The following CAMTA1 variants were observed in gnomAD, a reference collection of about 807,000 sequenced individuals.
CAMTA1 encodes the protein calmodulin binding transcription activator 1, also known as calmodulin-binding transcription activator 1.
Under a neutral mutation model 170.9 loss-of-function variants are expected in CAMTA1, and 27 were observed. The observed-to-expected ratio is 0.16, with a 90% confidence interval of 0.12 to 0.22. CAMTA1 has a LOEUF of 0.22. Ranked by LOEUF, CAMTA1 falls within the 10% of genes least tolerant of loss-of-function variation. The probability of loss-of-function intolerance (pLI) is 1.00; values close to 1 mark genes in which losing one functional copy is unlikely to be tolerated. For missense variants in CAMTA1, 1,619 were observed against 2,217.2 expected (o/e 0.73, Z 5.42); for synonymous variants, 833 against 891.5 (o/e 0.93, Z 1.17).
At chr1:7,035,394 C>T (rs1050092545) in intron 3 of CAMTA1, among the ~76,000 whole-genome samples, 17 of 143,238 alleles carry the variant, frequency 1.2e-4, no homozygotes, top group East Asian at 1.0e-3. Context: ...GAGCGAAACT[C>T]GGTCTCAAAA....
chr1:7,662,000 G>T (rs543208990), intron 8 of CAMTA1, 134 bp downstream of exon 8: 2 of 1,075,084 alleles, frequency 1.9e-6, no homozygotes, highest in Non-Finnish European at 2.6e-6. Flanking sequence ...GGGACTGGGC[G>T]ACACCACCGC....
chr1:6,946,613 C>T (rs1460802482), intron 3 of CAMTA1, among the ~76,000 whole-genome samples: 1 of 152,096 alleles, frequency 6.6e-6, no homozygotes, highest in African/African-American at 2.4e-5. Flanking sequence ...ATTTGTGTAT[C>T]TTCTTTGGGG....
chr1:7,238,063 T>C (rs1211723288), intron 4 of CAMTA1, among the ~76,000 whole-genome samples: 1 of 152,186 alleles, frequency 6.6e-6, no homozygotes, highest in Non-Finnish European at 1.5e-5. Flanking sequence ...CATACTATTA[T>C]GGAAAAATTT....
At chr1:7,363,095 T>C (rs1426819140) in intron 5 of CAMTA1, among the ~76,000 whole-genome samples, 6 of 152,188 alleles carry the variant, frequency 3.9e-5, no homozygotes, top group Admixed American at 3.3e-4. Flanking sequence ...AGGGACATGA[T>C]ACCAAGTTTG....
At chr1:7,722,083 A>G (rs1030078916) in intron 11 of CAMTA1, among the ~76,000 whole-genome samples, 4 of 152,142 alleles carry the variant, frequency 2.6e-5, no homozygotes, top group Non-Finnish European at 5.9e-5. Context: ...AGGGCCTGGG[A>G]AATCTGGCTA....
intron 5 of CAMTA1, among the ~76,000 whole-genome samples, chr1:7,324,637 A>T (rs992432441): frequency 6.6e-6 from 1 of 151,736 alleles, no homozygotes; most frequent in Non-Finnish European, 1.5e-5. Flanking sequence ...GTGAAACCCC[A>T]TCTCTACTAA....
rs1431888808 is a variant in CAMTA1, at chr1:7,732,178, G to A, written c.2915-270G>A. Among the ~76,000 whole-genome samples, 2 of 152,096 alleles carry A rather than the reference G, an allele frequency of 1.3e-5. No homozygotes were observed. Among genetic ancestry groups the A allele is most frequent in the Non-Finnish European group, 2.9e-5 (2 of 68,034 alleles). ...GGGAATTTGACAAAGAAACTAGGGG[G>A]CAGGAACCTGAACCTCTTTTTGATC... On this transcript the variant is annotated intron_variant, in intron 11 of 22. Coordinates refer to ENST00000303635, the MANE Select transcript of CAMTA1 (RefSeq NM_015215.4). This position sits in a 1 kb window ranked among gnomAD's most constrained non-coding sequence, Gnocchi z 4.1.
chr1:7,324,262 G>A (rs1280530989), intron 5 of CAMTA1, among the ~76,000 whole-genome samples: 1 of 151,754 alleles, frequency 6.6e-6, no homozygotes, highest in Non-Finnish European at 1.5e-5. Context: ...TAATGCTTTT[G>A]GCCTTGAAAT....
At chr1:7,177,911 G>A (rs879494017) in intron 4 of CAMTA1, among the ~76,000 whole-genome samples, 2 of 146,990 alleles carry the variant, frequency 1.4e-5, no homozygotes, top group African/African-American at 2.5e-5. Context: ...TCCCTCAGGC[G>A]GAGGCTCTTC....
chr1:7,501,702 G>C (rs1750850), intron 6 of CAMTA1, among the ~76,000 whole-genome samples: 103,737 of 151,480 alleles, frequency 0.68, 36,121 homozygotes, highest in Middle Eastern at 0.87. Flanking sequence ...ATCTGAAATT[G>C]ACATGTCATC....
chr1:7,707,596 C>T (rs1235099366), intron 11 of CAMTA1, among the ~76,000 whole-genome samples: 2 of 152,132 alleles, frequency 1.3e-5, no homozygotes, highest in Non-Finnish European at 2.9e-5. Flanking sequence ...AGGCTGGGCT[C>T]AAACTCCTGA....
intron 3 of CAMTA1, among the ~76,000 whole-genome samples, chr1:6,888,649 A>G (rs1457367919): frequency 2.0e-5 from 3 of 152,236 alleles, no homozygotes; most frequent in African/African-American, 4.8e-5. Flanking sequence ...GGCATTAACA[A>G]AGATATAGAG....
At chr1:7,433,627 A>C (rs1441311232) in intron 5 of CAMTA1, among the ~76,000 whole-genome samples, 1 of 152,240 alleles carries the variant, frequency 6.6e-6, no homozygotes. Flanking sequence ...AACACTGCTG[A>C]GCAAAACAAG....
rs933340192 is a variant in CAMTA1 at position 7,463,498 on chromosome 1, GAGAA to G, written c.439-4324_439-4321del. 5.9e-5 allele frequency among the ~76,000 whole-genome samples: 9 copies of G among 151,580 alleles called. No individual in the cohort carries two copies. Among genetic ancestry groups the G allele is most frequent in the African/African-American group, 9.7e-5 (4 of 41,188 alleles). Reference sequence around the variant, plus strand: ...AGACAGCTGCAGAGATGGAGAGAGAGAGAAAGAAAGAGACTGAGAAAGAGATTGA... The same window carrying G: ...AGACAGCTGCAGAGATGGAGAGAGAGAGAAAGAGACTGAGAAAGAGATTGA... On this transcript the variant is annotated intron_variant, in intron 5 of 22. Coordinates refer to ENST00000303635, the MANE Select transcript of CAMTA1 (RefSeq NM_015215.4). This position sits in a 1 kb window ranked among gnomAD's most constrained non-coding sequence, Gnocchi z 4.7.
intron 3 of CAMTA1, among the ~76,000 whole-genome samples, chr1:6,833,798 G>A (rs1318579357): frequency 2.0e-5 from 3 of 152,170 alleles, no homozygotes; most frequent in African/African-American, 4.8e-5. Context: ...AACATACTCG[G>A]TTCAGGTGTT....
At position 7,333,909 on chromosome 1, in the gene CAMTA1, A is replaced by G. The variant is rs961769475; in HGVS notation, c.438+84283A>G. Among the ~76,000 whole-genome samples the G allele has an allele frequency of 1.3e-5, 2 of 152,166 alleles. No homozygotes were observed. The highest frequency in any genetic ancestry group is 1.3e-4 in the Admixed American group (2 of 15,276). On this transcript the variant is annotated intron_variant, in intron 5 of 22. Coordinates refer to ENST00000303635, the MANE Select transcript of CAMTA1 (RefSeq NM_015215.4). The surrounding 1 kb of genome is among the most constrained non-coding windows in gnomAD (Gnocchi z 4.4). Reference sequence around the variant, plus strand: ...TTTATTACTTACATTTATCAAGGAAAGAGGTGGGGTTGGAAACTGCCAAGC... The same window carrying G: ...TTTATTACTTACATTTATCAAGGAAGGAGGTGGGGTTGGAAACTGCCAAGC...
chr1:7,259,131 G>A (rs1172082623), intron 5 of CAMTA1, among the ~76,000 whole-genome samples: 1 of 152,162 alleles, frequency 6.6e-6, no homozygotes, highest in Non-Finnish European at 1.5e-5. Context: ...TTCTGTGCGG[G>A]TGTGTGGGTT....
intron 3 of CAMTA1, among the ~76,000 whole-genome samples, chr1:7,084,897 T>A (rs115450506): frequency 1.7e-3 from 256 of 152,328 alleles, no homozygotes; most frequent in African/African-American, 6.0e-3. Context: ...AAAATCATAC[T>A]CTCTTGGATA....
chr1:6,808,696 T>G (rs962116604), intron 1 of CAMTA1, among the ~76,000 whole-genome samples: 6 of 152,208 alleles, frequency 3.9e-5, no homozygotes, highest in Non-Finnish European at 8.8e-5. Flanking sequence ...GTAAGAGGCT[T>G]GAGTACCTAG....
Sources: gnomAD v4.1 joint callset for allele counts (sites outside exome capture counted in the v4.1 genomes callset) on GRCh38, gnomAD v4.1.1 for gene constraint, Gnocchi (gnomAD v3.1) non-coding constraint, MANE v1.5 for transcripts, NCBI Gene and HGNC (gene_info 2026-07-23, HGNC 2026-07-21) for gene names.